FUT8: variants seen among roughly 807,000 people sequenced by gnomAD.
FUT8 encodes the protein fucosyltransferase 8, also known as alpha-(1,6)-fucosyltransferase.
In FUT8, 29 loss-of-function variants were observed where a neutral mutation model predicts 71.3. The observed-to-expected ratio is 0.41, with a 90% CI of 0.30 to 0.55. The LOEUF is 0.55. Ranked by LOEUF, FUT8 falls within the 20% of genes least tolerant of loss-of-function variation. The probability of loss-of-function intolerance (pLI) is 0.34; values close to 1 mark genes in which losing one functional copy is unlikely to be tolerated. For missense variants in FUT8, 544 were observed against 702.1 expected (o/e 0.77, Z 2.55); for synonymous variants, 254 against 239.3 (o/e 1.06, Z -0.57).
intron 2 of FUT8, among the ~76,000 whole-genome samples, chr14:65,523,022 G>A (rs571741101): frequency 7.0e-4 from 107 of 152,130 alleles, no homozygotes; most frequent in African/African-American, 2.1e-3. Context: ...TAATAGTGTC[G>A]CAATAAACGT....
At chr14:65,363,375 C>T in the FUT8 span, among the ~76,000 whole-genome samples, 2 of 151,916 alleles carry the variant, frequency 1.3e-5, no homozygotes, top group African/African-American at 4.8e-5. Context: ...CTGGCCTCGG[C>T]CTCTCAAAGT....
chr14:65,612,447 G>A (rs1594817330), intron 3 of FUT8, among the ~76,000 whole-genome samples: 1 of 152,150 alleles, frequency 6.6e-6, no homozygotes, highest in South Asian at 2.1e-4. Context: ...TGAATGCCAG[G>A]TACTACTTCC....
chr14:65,379,099 G>A, the FUT8 span, among the ~76,000 whole-genome samples: 2 of 151,634 alleles, frequency 1.3e-5, no homozygotes, highest in African/African-American at 2.4e-5. Context: ...TGCCTGCCTC[G>A]GCCTCCCAGA....
At chr14:65,653,876 A>G (rs1398913408) in intron 6 of FUT8, among the ~76,000 whole-genome samples, 2 of 152,236 alleles carry the variant, frequency 1.3e-5, no homozygotes, top group East Asian at 3.8e-4. Flanking sequence ...AGAATTTTTC[A>G]CCTAGGGAAA....
intron 1 of FUT8, among the ~76,000 whole-genome samples, chr14:65,417,905 A>G (rs1469956559): frequency 6.6e-6 from 1 of 152,216 alleles, no homozygotes; most frequent in Non-Finnish European, 1.5e-5. Flanking sequence ...TTGGGTTTTT[A>G]AAATTTATTT....
chr14:65,650,317 A>C (rs1301306532), intron 6 of FUT8, among the ~76,000 whole-genome samples: 8 of 149,108 alleles, frequency 5.4e-5, no homozygotes, highest in African/African-American at 1.7e-4. Context: ...AAAAAAAAAA[A>C]AAAAAAAAAA....
intron 9 of FUT8, among the ~76,000 whole-genome samples, chr14:65,731,231 G>A (rs1427735140): frequency 6.6e-6 from 1 of 152,182 alleles, no homozygotes; most frequent in African/African-American, 2.4e-5. Flanking sequence ...AGTAAATTTA[G>A]ATACGTCTCC....
At chr14:65,693,060 C>T (rs1893774944) in intron 7 of FUT8, among the ~76,000 whole-genome samples, 2 of 148,766 alleles carry the variant, frequency 1.3e-5, no homozygotes, top group African/African-American at 5.0e-5. Flanking sequence ...ACATCCCAGA[C>T]AATGGGCAGC....
At chr14:65,361,984 A>C in the FUT8 span, among the ~76,000 whole-genome samples, 1 of 151,536 alleles carries the variant, frequency 6.6e-6, no homozygotes, top group Non-Finnish European at 1.5e-5. Context: ...TCTTTCTTTC[A>C]CTCCAGAACT....
In FUT8 at chr14:65,666,104, A is replaced by G. The variant is rs368387551; in HGVS notation, c.598-3139A>G. ...AAATTTAAAAAAAAAACAAAATGCAATGTTAAAAAAGAGAAGTGAAAGAAT... is the reference window on the plus strand; with the variant it reads ...AAATTTAAAAAAAAAACAAAATGCAGTGTTAAAAAAGAGAAGTGAAAGAAT... On this transcript the variant is annotated intron_variant, in intron 6 of 10. Transcript: ENST00000673929. Among the ~76,000 whole-genome samples the G allele has an allele frequency of 4.6e-5, 7 of 152,258 alleles. No homozygotes were observed. In the East Asian group the frequency reaches 7.7e-4, roughly 17 times the overall value.
chr14:65,729,900 A>AT (rs1729297552), intron 9 of FUT8, among the ~76,000 whole-genome samples: 1 of 151,100 alleles, frequency 6.6e-6, no homozygotes, highest in South Asian at 2.1e-4. Flanking sequence ...TTTATGCATA[A>AT]TTTTTTCTCT....
intron 1 of FUT8, among the ~76,000 whole-genome samples, chr14:65,428,671 C>T (rs781002533): frequency 6.6e-6 from 1 of 152,198 alleles, no homozygotes. Context: ...TCTTAGTTCA[C>T]ACATACAACT....
chr14:65,617,312 A>C, intron 5 of FUT8: 1 of 1,075,230 alleles, frequency 9.3e-7, no homozygotes, highest in Non-Finnish European at 1.3e-6. Flanking sequence ...TTTAGCATTA[A>C]TGAATCTACA....
chr14:65,480,821 G>A (rs2066319534), intron 2 of FUT8, among the ~76,000 whole-genome samples: 1 of 151,850 alleles, frequency 6.6e-6, no homozygotes, highest in Non-Finnish European at 1.5e-5. Context: ...CAAGTAGCTG[G>A]GACTACAGGC....
chr14:65,609,479 T>C (rs1030213410), intron 3 of FUT8, among the ~76,000 whole-genome samples: 1 of 151,870 alleles, frequency 6.6e-6, no homozygotes, highest in African/African-American at 2.4e-5. Context: ...AAAGGTATAT[T>C]TCTTGTTTTC....
intron 1 of FUT8, among the ~76,000 whole-genome samples, chr14:65,426,328 G>A (rs1301318199): frequency 7.5e-6 from 1 of 133,974 alleles, no homozygotes; most frequent in Non-Finnish European, 1.6e-5. Flanking sequence ...CCTTTTTAAA[G>A]TTTTTTTTTT....
At chr14:65,405,010 G>T in the FUT8 span, among the ~76,000 whole-genome samples, 1 of 152,156 alleles carries the variant, frequency 6.6e-6, no homozygotes, top group African/African-American at 2.4e-5. Flanking sequence ...TTGGCGTGGA[G>T]GCTTGACAAA....
chr14:65,453,838 T>A (rs969703039), intron 1 of FUT8, among the ~76,000 whole-genome samples: 2 of 152,208 alleles, frequency 1.3e-5, no homozygotes, highest in Non-Finnish European at 2.9e-5. Flanking sequence ...AAGTTTCTCC[T>A]TTCTGGTATA....
chr14:65,644,822 GTTGA>G (rs1891046389), intron 6 of FUT8, among the ~76,000 whole-genome samples: 2 of 152,072 alleles, frequency 1.3e-5, no homozygotes, highest in South Asian at 4.2e-4. Flanking sequence ...AATGTATATT[GTTGA>G]TTTATTAACA....
Sources: allele counts gnomAD v4.1 joint callset (sites outside exome capture counted in the v4.1 genomes callset), GRCh38; gene constraint gnomAD v4.1.1; transcripts MANE v1.5; gene names NCBI Gene and HGNC (gene_info 2026-07-23, HGNC 2026-07-21).